DLG2: variants seen among roughly 807,000 people sequenced by gnomAD.
DLG2 encodes the protein discs large MAGUK scaffold protein 2, also known as disks large homolog 2.
DLG2 carries 45 observed loss-of-function variants against 132.5 expected under a neutral mutation model. The observed-to-expected ratio is 0.34, with a 90% confidence interval of 0.27 to 0.44. The LOEUF (loss-of-function observed/expected upper bound fraction) is 0.44, where lower values mean the gene tolerates loss of function less well. DLG2 is among the 20% of genes least tolerant of loss of function. DLG2 has a pLI of 1.00. For missense variants in DLG2, 1,045 were observed against 1,196.9 expected, an observed-to-expected ratio of 0.87 and a Z score of 1.87; for synonymous variants, 424 against 419.6, an observed-to-expected ratio of 1.01 and a Z score of -0.13.
chr11:83,663,186 C>A (rs1354820273), intron 18 of DLG2, among the ~76,000 whole-genome samples: 2 of 152,194 alleles, frequency 1.3e-5, no homozygotes, highest in East Asian at 3.9e-4. Flanking sequence ...ATTATCCCTG[C>A]CTTACAGTTG....
intron 8 of DLG2, among the ~76,000 whole-genome samples, chr11:84,169,963 GATC>G (rs2095782196): frequency 6.6e-6 from 1 of 151,526 alleles, no homozygotes; most frequent in African/African-American, 2.4e-5. Context: ...GCCCAGTATT[GATC>G]ATTATGTTGC....
intron 6 of DLG2, among the ~76,000 whole-genome samples, chr11:84,622,164 C>A (rs78257468): frequency 0.02 from 3,083 of 152,094 alleles, 36 homozygotes; most frequent in South Asian, 0.047. Context: ...CTTTGGGAAA[C>A]CTAGCATGAT....
intron 19 of DLG2, among the ~76,000 whole-genome samples, chr11:83,620,421 G>T (rs1181699001): frequency 6.6e-6 from 1 of 152,062 alleles, no homozygotes; most frequent in African/African-American, 2.4e-5. Flanking sequence ...GATGATGAAA[G>T]ATTCCTTTTT....
chr11:84,400,899 T>C (rs545045598), intron 7 of DLG2, among the ~76,000 whole-genome samples: 1 of 152,252 alleles, frequency 6.6e-6, no homozygotes, highest in South Asian at 2.1e-4. Flanking sequence ...CCCTCTACCC[T>C]GTCTACTGCA....
chr11:83,911,967 A>G (rs1222357597), intron 15 of DLG2, among the ~76,000 whole-genome samples: 1 of 151,902 alleles, frequency 6.6e-6, no homozygotes, highest in Non-Finnish European at 1.5e-5. Context: ...TTATAATATA[A>G]GCAGTTTAGA....
chr11:83,722,956 A>G (rs969192287), intron 18 of DLG2, among the ~76,000 whole-genome samples: 1 of 152,232 alleles, frequency 6.6e-6, no homozygotes, highest in African/African-American at 2.4e-5. Context: ...AAAACATTTA[A>G]AAAATTTTAT....
chr11:84,957,037 T>G (rs368738981), intron 6 of DLG2, among the ~76,000 whole-genome samples: 1 of 152,232 alleles, frequency 6.6e-6, no homozygotes, highest in Non-Finnish European at 1.5e-5. Flanking sequence ...TGAATGTCTA[T>G]TTTGTGCCAA....
intron 4 of DLG2, among the ~76,000 whole-genome samples, chr11:85,255,029 T>C (rs2076598978): frequency 6.6e-6 from 1 of 151,820 alleles, no homozygotes; most frequent in African/African-American, 2.4e-5. Context: ...TAATTGTTTA[T>C]ATGCCATTTG....
chr11:85,505,656 T>C (rs185466449), intron 3 of DLG2, among the ~76,000 whole-genome samples: 3 of 152,342 alleles, frequency 2.0e-5, no homozygotes, highest in African/African-American at 7.2e-5. Flanking sequence ...TTGATGTTCA[T>C]CAGGGATATT....
chr11:85,025,953 A>G (rs971417195), intron 6 of DLG2, among the ~76,000 whole-genome samples: 1 of 151,968 alleles, frequency 6.6e-6, no homozygotes, highest in African/African-American at 2.4e-5. Flanking sequence ...GACCCTCTTG[A>G]CATTATATTC....
At chr11:85,420,044 G>A (rs551042685) in intron 3 of DLG2, among the ~76,000 whole-genome samples, 1 of 152,276 alleles carries the variant, frequency 6.6e-6, no homozygotes, top group Non-Finnish European at 1.5e-5. Context: ...GCTTTTTTGT[G>A]CTGGTTTTTC....
At chr11:85,409,687 TG>T (rs776568034) in intron 3 of DLG2, among the ~76,000 whole-genome samples, 1 of 151,700 alleles carries the variant, frequency 6.6e-6, no homozygotes, top group Non-Finnish European at 1.5e-5. Flanking sequence ...GTTATATATC[TG>T]GGGGGGTGGA....
At chr11:83,463,196 A>C (rs2090364904) in intron 26 of DLG2, among the ~76,000 whole-genome samples, 1 of 152,146 alleles carries the variant, frequency 6.6e-6, no homozygotes, top group African/African-American at 2.4e-5. Flanking sequence ...TTTTTAAACC[A>C]ATTTTCAGTT....
chr11:84,666,177 A>G (rs2099699538), intron 6 of DLG2, among the ~76,000 whole-genome samples: 1 of 152,146 alleles, frequency 6.6e-6, no homozygotes, highest in Non-Finnish European at 1.5e-5. Context: ...TGAGATTAAC[A>G]TTGAAATTAA....
rs561520053 is a variant in DLG2, at chr11:84,503,244, T to C, written c.519+31326A>G. 8.5e-5 allele frequency among the ~76,000 whole-genome samples: 13 copies of C among 152,322 alleles called. No individual in the cohort carries two copies. The South Asian group carries it at 2.7e-3, about 32-fold the overall frequency. ...GAAGATAAGAAAACTGCTTTATTCA[T>C]GTCTGAATACCCAATACTATTTCAT... On this transcript the variant is annotated intron_variant, in intron 7 of 27. Coordinates refer to ENST00000376104, the MANE Select transcript of DLG2 (RefSeq NM_001142699.3).
intron 5 of DLG2, among the ~76,000 whole-genome samples, chr11:85,129,345 G>C (rs1265673037): frequency 6.6e-6 from 1 of 152,184 alleles, no homozygotes; most frequent in East Asian, 1.9e-4. Flanking sequence ...CTAGACTGGA[G>C]CTCTTAAGAC....
chr11:84,554,087 A>G (rs2099407143), intron 6 of DLG2, among the ~76,000 whole-genome samples: 1 of 152,150 alleles, frequency 6.6e-6, no homozygotes, highest in Non-Finnish European at 1.5e-5. Context: ...CCCATGAGCA[A>G]CTTCTAGTCT....
chr11:84,151,145 C>T (rs1442617291), intron 9 of DLG2, among the ~76,000 whole-genome samples: 1 of 150,454 alleles, frequency 6.6e-6, no homozygotes, highest in African/African-American at 2.4e-5. Flanking sequence ...GGAGGGGTCC[C>T]TAACCCTAGA....
intron 6 of DLG2, among the ~76,000 whole-genome samples, chr11:84,939,266 A>T (rs1014310157): frequency 6.6e-6 from 1 of 152,096 alleles, no homozygotes; most frequent in Non-Finnish European, 1.5e-5. Context: ...TTTATTTTTA[A>T]TTTTTATGGG....
Sources: allele counts gnomAD v4.1 joint callset (sites outside exome capture counted in the v4.1 genomes callset), GRCh38; gene constraint gnomAD v4.1.1; transcripts MANE v1.5; gene names NCBI Gene and HGNC (gene_info 2026-07-23, HGNC 2026-07-21).